The following CDH8 variants were observed in gnomAD, a reference collection of about 807,000 sequenced individuals.
CDH8 encodes cadherin 8, also known as cadherin-8.
In CDH8, 17 loss-of-function variants were observed where a neutral mutation model predicts 68.1. That is an observed-to-expected ratio of 0.25 (90% CI 0.17 to 0.37). The LOEUF is 0.37. Among genes scored for constraint, CDH8 ranks in the 10% least tolerant of loss-of-function variants. The pLI, the probability that CDH8 is intolerant of heterozygous loss-of-function variation, is 1.00. For missense variants in CDH8, 763 were observed against 999.3 expected, an observed-to-expected ratio of 0.76 and a Z score of 3.19; for synonymous variants, 372 against 365.1, an observed-to-expected ratio of 1.02 and a Z score of -0.21.
At chr16:61,821,904 G>A (rs947219611) in intron 5 of CDH8, among the ~76,000 whole-genome samples, 1 of 151,890 alleles carries the variant, frequency 6.6e-6, no homozygotes, top group Non-Finnish European at 1.5e-5. Context: ...TTACTGTAGT[G>A]TACACCTGTC....
intron 2 of CDH8, among the ~76,000 whole-genome samples, chr16:61,959,412 A>G (rs1404591697): frequency 6.6e-6 from 1 of 152,020 alleles, no homozygotes; most frequent in African/African-American, 2.4e-5. Context: ...AAAATTAAGA[A>G]TCTCGAGACA....
intron 8 of CDH8, among the ~76,000 whole-genome samples, chr16:61,771,427 T>C (rs1199196758): frequency 7.2e-6 from 1 of 138,110 alleles, no homozygotes; most frequent in Non-Finnish European, 1.5e-5. Flanking sequence ...TTGGATACTA[T>C]GCCTCACACA....
At chr16:61,664,389 T>C (rs1672253211) in intron 10 of CDH8, among the ~76,000 whole-genome samples, 2 of 151,954 alleles carry the variant, frequency 1.3e-5, no homozygotes, top group South Asian at 2.1e-4. Flanking sequence ...AAATAACCAA[T>C]TGCAGATGCA....
At chr16:61,823,962 ATGTCTGC>A (rs1452727955) in intron 5 of CDH8, among the ~76,000 whole-genome samples, 9 of 151,946 alleles carry the variant, frequency 5.9e-5, no homozygotes, top group African/African-American at 2.2e-4. Flanking sequence ...CCTTGGAAAG[ATGTCTGC>A]ACTTTCATGT....
rs1027951101 is a variant in CDH8, at chr16:61,661,889, C to A, written c.1655-6168G>T. On this transcript the variant is annotated intron_variant, in intron 10 of 11. Coordinates refer to ENST00000577390, the MANE Select transcript of CDH8 (RefSeq NM_001796.5). Reference sequence around the variant, plus strand: ...TCATTTTTTAAAAAAAATCTTAGTACACTAATGAGAACTTCTAATACAATT... The same window carrying A: ...TCATTTTTTAAAAAAAATCTTAGTAAACTAATGAGAACTTCTAATACAATT... 8.6e-5 allele frequency among the ~76,000 whole-genome samples: 13 copies of A among 151,526 alleles called. 1 individual carries two copies. In the Middle Eastern group the frequency reaches 0.01, roughly 120 times the overall value.
chr16:61,994,207 TC>T (rs1447053100), intron 2 of CDH8, among the ~76,000 whole-genome samples: 1 of 152,192 alleles, frequency 6.6e-6, no homozygotes, highest in Non-Finnish European at 1.5e-5. Context: ...TCTTACCCTT[TC>T]CTCTTGAGAT....
chr16:61,721,273 A>G (rs1290905728), intron 9 of CDH8, among the ~76,000 whole-genome samples: 2 of 150,962 alleles, frequency 1.3e-5, no homozygotes, highest in Non-Finnish European at 3.0e-5. Context: ...ACCCAAAATA[A>G]AGTGAAAGTA....
intron 10 of CDH8, among the ~76,000 whole-genome samples, chr16:61,670,365 T>C (rs753116931): frequency 1.3e-5 from 2 of 151,958 alleles, no homozygotes; most frequent in Non-Finnish European, 2.9e-5. Context: ...GTTGAATAAA[T>C]ACATAATAGG....
chr16:62,019,916 AGGC>A (rs1326797439), intron 2 of CDH8, among the ~76,000 whole-genome samples: 74 of 152,330 alleles, frequency 4.9e-4, no homozygotes, highest in African/African-American at 1.7e-3. Context: ...AGTTCCTTAA[AGGC>A]AGAGATCACT....
At chr16:61,699,733 C>G (rs1033765482) in intron 10 of CDH8, among the ~76,000 whole-genome samples, 2 of 152,078 alleles carry the variant, frequency 1.3e-5, no homozygotes. Flanking sequence ...CACCACCACG[C>G]CTGGTTAATT....
chr16:61,959,970 ATGTG>A (rs1306078439), intron 2 of CDH8, among the ~76,000 whole-genome samples: 38 of 39,698 alleles, frequency 9.6e-4, no homozygotes, highest in African/African-American at 5.6e-3. Flanking sequence ...TATGTGGTGT[ATGTG>A]TGTGTGTGTG....
chr16:61,838,544 A>C (rs139070338), intron 4 of CDH8, among the ~76,000 whole-genome samples: 1 of 152,214 alleles, frequency 6.6e-6, no homozygotes, highest in East Asian at 1.9e-4. Flanking sequence ...TTCGTTGCTC[A>C]TGGTAATTAC....
At chr16:61,861,633 T>C (rs1454935382) in intron 3 of CDH8, among the ~76,000 whole-genome samples, 2 of 152,238 alleles carry the variant, frequency 1.3e-5, no homozygotes, top group Non-Finnish European at 2.9e-5. Flanking sequence ...ACATGAAGTA[T>C]AGAAAAGTGG....
At chr16:61,808,038 G>A (rs765948482) in intron 7 of CDH8, among the ~76,000 whole-genome samples, 1 of 152,106 alleles carries the variant, frequency 6.6e-6, no homozygotes, top group African/African-American at 2.4e-5. Context: ...TATGCAAAAA[G>A]CACTGTACTA....
intron 2 of CDH8, among the ~76,000 whole-genome samples, chr16:62,018,029 A>G (rs1387088380): frequency 6.6e-6 from 1 of 152,206 alleles, no homozygotes; most frequent in Non-Finnish European, 1.5e-5. Flanking sequence ...AATTACAACT[A>G]CAATTACTAT....
At chr16:62,013,261 C>CAAAAAAAAA (rs1165564723) in intron 2 of CDH8, among the ~76,000 whole-genome samples, 1 of 6,404 alleles carries the variant, frequency 1.6e-4, no homozygotes, top group East Asian at 8.8e-3. Flanking sequence ...GACTCCGTCT[C>CAAAAAAAAA]AAAAAAAAAA....
intron 4 of CDH8, among the ~76,000 whole-genome samples, chr16:61,837,064 G>A (rs1962584060): frequency 6.6e-6 from 1 of 151,756 alleles, no homozygotes; most frequent in Admixed American, 6.6e-5. Flanking sequence ...TTCTTTGGGG[G>A]TGCAGGCTCT....
chr16:61,789,236 G>T, intron 8 of CDH8, 110 bp downstream of exon 8: 1 of 932,376 alleles, frequency 1.1e-6, no homozygotes, highest in Non-Finnish European at 1.6e-6. Flanking sequence ...AATCAAATAA[G>T]TTCCAATGTC....
At chr16:61,812,131 T>G (rs534969501) in intron 7 of CDH8, among the ~76,000 whole-genome samples, 20 of 152,230 alleles carry the variant, frequency 1.3e-4, no homozygotes, top group African/African-American at 4.6e-4. Context: ...ATTGCAAGAC[T>G]GAGGGAATCA....
Sources: gnomAD v4.1 joint callset for allele counts (sites outside exome capture counted in the v4.1 genomes callset) on GRCh38, gnomAD v4.1.1 for gene constraint, MANE v1.5 for transcripts, NCBI Gene and HGNC (gene_info 2026-07-23, HGNC 2026-07-21) for gene names.